The following AKR1C8 variants were observed in gnomAD, a reference collection of about 807,000 sequenced individuals.
AKR1C8 encodes the protein aldo-keto reductase family 1 member C8.
chr10:5,162,328 A>G, the AKR1C8 span, among the ~76,000 whole-genome samples: 1 of 152,324 alleles, frequency 6.6e-6, no homozygotes, highest in Non-Finnish European at 1.5e-5. Context: ...AAATTCCTAG[A>G]AAGAATTATT....
the AKR1C8 span, chr10:5,154,030 A>G: frequency 6.9e-6 from 2 of 290,168 alleles, no homozygotes; most frequent in Non-Finnish European, 1.5e-5. Flanking sequence ...AAGAAAGGCA[A>G]GCAACCTGCA....
At chr10:5,116,509 G>T in the AKR1C8 span, among the ~76,000 whole-genome samples, 1 of 152,130 alleles carries the variant, frequency 6.6e-6, no homozygotes, top group Non-Finnish European at 1.5e-5. Flanking sequence ...TACATTGGAT[G>T]CTGATTCAGG....
the AKR1C8 span, among the ~76,000 whole-genome samples, chr10:5,165,612 C>G: frequency 6.6e-6 from 1 of 152,160 alleles, no homozygotes; most frequent in African/African-American, 2.4e-5. Flanking sequence ...GCCATTCAAT[C>G]CTCAGCTTCT....
the AKR1C8 span, among the ~76,000 whole-genome samples, chr10:5,140,646 G>T: frequency 6.6e-6 from 1 of 151,780 alleles, no homozygotes; most frequent in African/African-American, 2.4e-5. Flanking sequence ...AGGACCTGTT[G>T]TGGGGTGGGG....
At chr10:5,122,758 A>G in the AKR1C8 span, among the ~76,000 whole-genome samples, 1 of 152,210 alleles carries the variant, frequency 6.6e-6, no homozygotes, top group East Asian at 1.9e-4. Context: ...GTGAGCAAGT[A>G]GAACAGTTGA....
the AKR1C8 span, among the ~76,000 whole-genome samples, chr10:5,146,085 A>C: frequency 4.0e-5 from 6 of 151,718 alleles, no homozygotes; most frequent in African/African-American, 1.5e-4. Flanking sequence ...ATTCTCAGTA[A>C]ACTATTGCAA....
At chr10:5,154,724 T>C in the AKR1C8 span, 1 of 152,422 alleles carries the variant, frequency 6.6e-6, no homozygotes, top group Admixed American at 6.5e-5. Context: ...AGACTGAGTC[T>C]TTACTCTGGC....
At chr10:5,124,419 G>A in the AKR1C8 span, among the ~76,000 whole-genome samples, 2 of 152,002 alleles carry the variant, frequency 1.3e-5, no homozygotes, top group African/African-American at 4.8e-5. Context: ...AAAGAGTTAA[G>A]CTTTTAGCAC....
At chr10:5,162,163 A>G in the AKR1C8 span, among the ~76,000 whole-genome samples, 479 of 152,304 alleles carry the variant, frequency 3.1e-3, 3 homozygotes, top group African/African-American at 0.011. Context: ...TCCTTGAATG[A>G]CTGCAATGTA....
the AKR1C8 span, among the ~76,000 whole-genome samples, chr10:5,146,887 A>G: frequency 1.3e-3 from 205 of 152,328 alleles, 1 homozygote; most frequent in African/African-American, 4.8e-3. Context: ...TCGGGTATTA[A>G]GATCACTCAC....
At chr10:5,134,547 C>T in the AKR1C8 span, among the ~76,000 whole-genome samples, 1 of 152,220 alleles carries the variant, frequency 6.6e-6, no homozygotes, top group Middle Eastern at 3.4e-3. Context: ...ATTTCTCCTT[C>T]GAGGTTCTAG....
At chr10:5,172,673 G>A in the AKR1C8 span, among the ~76,000 whole-genome samples, 2,859 of 152,166 alleles carry the variant, frequency 0.019, 85 homozygotes, top group African/African-American at 0.065. Context: ...AAACAAAAAC[G>A]TATGCTGGCA....
chr10:5,134,092 A>T, the AKR1C8 span, among the ~76,000 whole-genome samples: 1 of 152,308 alleles, frequency 6.6e-6, no homozygotes, highest in South Asian at 2.1e-4. Flanking sequence ...CTATTTTAAT[A>T]TGAGTATTTC....
At chr10:5,153,711 G>T in the AKR1C8 span, among the ~76,000 whole-genome samples, 2 of 152,082 alleles carry the variant, frequency 1.3e-5, no homozygotes, top group African/African-American at 2.4e-5. Flanking sequence ...GATTTCATGA[G>T]AACTCACTAT....
chr10:5,119,106 A>G, the AKR1C8 span, among the ~76,000 whole-genome samples: 1 of 152,194 alleles, frequency 6.6e-6, no homozygotes, highest in Non-Finnish European at 1.5e-5. Context: ...ATCCTCTACC[A>G]GACTATAAAC....
At chr10:5,138,564 GT>G in the AKR1C8 span, among the ~76,000 whole-genome samples, 1 of 152,168 alleles carries the variant, frequency 6.6e-6, no homozygotes, top group Non-Finnish European at 1.5e-5. Flanking sequence ...AATTATCACA[GT>G]GGTCTTGAGG....
At chr10:5,155,573 C>A in the AKR1C8 span, 1 of 348,310 alleles carries the variant, frequency 2.9e-6, no homozygotes. Context: ...TCACCCCATG[C>A]CTGAATTTGG....
At chr10:5,151,791 A>G in the AKR1C8 span, among the ~76,000 whole-genome samples, 6 of 152,096 alleles carry the variant, frequency 3.9e-5, no homozygotes, top group African/African-American at 1.4e-4. Context: ...TCCTGACCTC[A>G]GGTGATCTGC....
the AKR1C8 span, among the ~76,000 whole-genome samples, chr10:5,141,408 AT>A: frequency 1.3e-5 from 2 of 152,120 alleles, no homozygotes; most frequent in East Asian, 1.9e-4. Context: ...TCATGTTGAT[AT>A]TTTGACATTT....
Sources: gnomAD v4.1 joint callset for allele counts (sites outside exome capture counted in the v4.1 genomes callset) on GRCh38, gnomAD v4.1.1 for gene constraint, MANE v1.5 for transcripts, NCBI Gene and HGNC (gene_info 2026-07-23, HGNC 2026-07-21) for gene names.